The following PABPC4L variants were observed in gnomAD, a reference collection of about 807,000 sequenced individuals.
PABPC4L encodes polyadenylate-binding protein 4-like.
For missense variants in PABPC4L, 452 were observed against 451.4 expected, an observed-to-expected ratio of 1.00 and a Z score of -0.01; for synonymous variants, 169 against 164.1, an observed-to-expected ratio of 1.03 and a Z score of -0.23.
chr4:134,072,836 G>A, the PABPC4L span, among the ~76,000 whole-genome samples: 16 of 152,198 alleles, frequency 1.1e-4, no homozygotes, highest in East Asian at 2.5e-3. Context: ...ACGAGCACAA[G>A]GGGGAAATGG....
chr4:134,056,693 C>A, the PABPC4L span, among the ~76,000 whole-genome samples: 1 of 151,880 alleles, frequency 6.6e-6, no homozygotes, highest in Admixed American at 6.6e-5. Flanking sequence ...ATATTTACTA[C>A]TAGTACTTAG....
At chr4:134,064,063 T>C in the PABPC4L span, among the ~76,000 whole-genome samples, 2 of 152,120 alleles carry the variant, frequency 1.3e-5, no homozygotes, top group Non-Finnish European at 2.9e-5. Context: ...ACCAAACACA[T>C]GCATAAAGAA....
the PABPC4L span, among the ~76,000 whole-genome samples, chr4:134,024,378 C>T: frequency 1.1e-4 from 16 of 152,206 alleles, 1 homozygote; most frequent in South Asian, 3.3e-3. Flanking sequence ...TCTCACAGAT[C>T]CAGAGGCTAG....
the PABPC4L span, among the ~76,000 whole-genome samples, chr4:134,147,735 G>C: frequency 1.1e-5 from 1 of 91,594 alleles, no homozygotes; most frequent in Non-Finnish European, 1.9e-5. Context: ...CAGTGTGTGT[G>C]TGTGTGTGTG....
the PABPC4L span, among the ~76,000 whole-genome samples, chr4:133,973,889 T>G: frequency 6.6e-6 from 1 of 152,158 alleles, no homozygotes; most frequent in Non-Finnish European, 1.5e-5. Flanking sequence ...TATATGTCTA[T>G]AGGTCCTTTG....
chr4:134,001,077 T>C, the PABPC4L span, among the ~76,000 whole-genome samples: 1 of 152,020 alleles, frequency 6.6e-6, no homozygotes, highest in Non-Finnish European at 1.5e-5. Flanking sequence ...AGAGGTTACG[T>C]AACGTTTTCA....
At chr4:133,991,287 T>C in the PABPC4L span, among the ~76,000 whole-genome samples, 1 of 152,168 alleles carries the variant, frequency 6.6e-6, no homozygotes, top group Non-Finnish European at 1.5e-5. Context: ...AGAATTTTAG[T>C]CTTAAGTTGC....
At chr4:133,951,462 G>A in the PABPC4L span, among the ~76,000 whole-genome samples, 3 of 151,894 alleles carry the variant, frequency 2.0e-5, no homozygotes, top group Admixed American at 2.0e-4. Context: ...TCACTAACAG[G>A]GCCCCATCCA....
At chr4:134,174,953 T>C in the PABPC4L span, among the ~76,000 whole-genome samples, 1 of 152,176 alleles carries the variant, frequency 6.6e-6, no homozygotes, top group Non-Finnish European at 1.5e-5. Flanking sequence ...GTCTGTCCTT[T>C]AAGTATGGTT....
chr4:134,096,417 A>G, the PABPC4L span, among the ~76,000 whole-genome samples: 1 of 151,994 alleles, frequency 6.6e-6, no homozygotes, highest in Non-Finnish European at 1.5e-5. Context: ...TAAACTTTCA[A>G]TTAAAGATAA....
chr4:134,061,311 CA>C, the PABPC4L span, among the ~76,000 whole-genome samples: 1 of 151,260 alleles, frequency 6.6e-6, no homozygotes. Context: ...ATAAATAATT[CA>C]AAAAATTTCC....
chr4:134,000,136 A>G, the PABPC4L span, among the ~76,000 whole-genome samples: 460 of 152,278 alleles, frequency 3.0e-3, 14 homozygotes, highest in East Asian at 0.066. Flanking sequence ...AACCACAAGA[A>G]AATGGAAATG....
At chr4:134,102,998 T>C in the PABPC4L span, among the ~76,000 whole-genome samples, 3 of 151,544 alleles carry the variant, frequency 2.0e-5, no homozygotes, top group African/African-American at 7.2e-5. Flanking sequence ...TGTTTATTTC[T>C]ACAATTACAT....
chr4:134,111,671 G>A, the PABPC4L span, among the ~76,000 whole-genome samples: 16,022 of 151,838 alleles, frequency 0.11, 1,376 homozygotes, highest in East Asian at 0.49. Flanking sequence ...TGCTATTCTC[G>A]TGATCGTTAA....
chr4:134,105,373 A>G, the PABPC4L span, among the ~76,000 whole-genome samples: 1 of 151,856 alleles, frequency 6.6e-6, no homozygotes, highest in South Asian at 2.1e-4. Flanking sequence ...TATATCACAA[A>G]ACAAGTGAAA....
the PABPC4L span, among the ~76,000 whole-genome samples, chr4:134,099,502 T>C: frequency 2.6e-5 from 4 of 151,790 alleles, no homozygotes; most frequent in African/African-American, 9.7e-5. Flanking sequence ...ACAATCTTGC[T>C]AGAATTCCAG....
chr4:133,990,172 A>G, the PABPC4L span, among the ~76,000 whole-genome samples: 1 of 152,086 alleles, frequency 6.6e-6, no homozygotes, highest in African/African-American at 2.4e-5. Context: ...ACAAACATTG[A>G]TTTTTTATAA....
the PABPC4L span, among the ~76,000 whole-genome samples, chr4:134,121,656 T>C: frequency 8.0e-4 from 122 of 151,928 alleles, 1 homozygote; most frequent in East Asian, 0.011. Flanking sequence ...CACAATTCAA[T>C]GATCCTGTTG....
the PABPC4L span, among the ~76,000 whole-genome samples, chr4:134,153,585 T>C: frequency 1.3e-5 from 2 of 152,182 alleles, no homozygotes; most frequent in African/African-American, 4.8e-5. Flanking sequence ...TTTTGGATAC[T>C]TTTCCTCCCC....
Sources: allele counts gnomAD v4.1 joint callset (sites outside exome capture counted in the v4.1 genomes callset), GRCh38; gene constraint gnomAD v4.1.1; transcripts MANE v1.5; gene names NCBI Gene and HGNC (gene_info 2026-07-23, HGNC 2026-07-21).